Variants in EPHA4 observed in about 807,000 individuals in gnomAD.
EPHA4 encodes ephrin type-A receptor 4.
EPHA4 carries 19 observed loss-of-function variants against 108.3 expected under a neutral mutation model. That is an observed-to-expected ratio of 0.18 (90% CI 0.12 to 0.26). EPHA4 has a LOEUF of 0.26. Among genes scored for constraint, EPHA4 ranks in the 10% least tolerant of loss-of-function variants. The pLI, the probability that EPHA4 is intolerant of heterozygous loss-of-function variation, is 1.00. For missense variants in EPHA4, 917 were observed against 1,254.0 expected (o/e 0.73, Z 4.06); for synonymous variants, 449 against 455.5 (o/e 0.99, Z 0.18).
chr2:221,482,231 T>C, intron 5 of EPHA4, 121 bp downstream of exon 5: 1 of 1,066,162 alleles, frequency 9.4e-7, no homozygotes, highest in South Asian at 1.8e-5. Flanking sequence ...TTTTACATTA[T>C]AACGCAGCTC....
At chr2:221,481,138 G>A (rs1318868991) in intron 5 of EPHA4, among the ~76,000 whole-genome samples, 3 of 152,170 alleles carry the variant, frequency 2.0e-5, no homozygotes, top group Non-Finnish European at 4.4e-5. Context: ...TTTCAGGGAA[G>A]GAGTACAGAT....
upstream of EPHA4, chr2:221,572,342 G>C (rs1319611972): frequency 1.2e-5 from 14 of 1,151,876 alleles, no homozygotes; most frequent in East Asian, 3.6e-4. Flanking sequence ...ATTGCCAAGG[G>C]GGCGGGCCCG....
At chr2:221,568,685 A>T in intron 2 of EPHA4, 33 bp downstream of exon 2, 1 of 1,579,852 alleles carries the variant, frequency 6.3e-7, no homozygotes, top group South Asian at 1.2e-5. Flanking sequence ...CTCCTTTTTT[A>T]CCCTTTGGAT....
chr2:221,424,615 T>G (rs1041246106), intron 17 of EPHA4, among the ~76,000 whole-genome samples: 2 of 152,214 alleles, frequency 1.3e-5, no homozygotes, highest in African/African-American at 4.8e-5. Context: ...GAGCAGTGCA[T>G]TTTTCAGTAG....
At chr2:221,462,738 G>A (rs1028452669) in intron 5 of EPHA4, among the ~76,000 whole-genome samples, 1 of 152,112 alleles carries the variant, frequency 6.6e-6, no homozygotes, top group Non-Finnish European at 1.5e-5. Context: ...TGTTTCTAAG[G>A]TCTGTGTGAT....
chr2:221,528,483 T>C (rs1026558413), intron 3 of EPHA4, among the ~76,000 whole-genome samples: 1 of 152,226 alleles, frequency 6.6e-6, no homozygotes, highest in African/African-American at 2.4e-5. Context: ...CTTAATCTTA[T>C]TCCCTTTGAA....
At chr2:221,483,367 A>G (rs1691888921) in intron 4 of EPHA4, among the ~76,000 whole-genome samples, 1 of 152,132 alleles carries the variant, frequency 6.6e-6, no homozygotes, top group African/African-American at 2.4e-5. Context: ...TTTCTGAAAT[A>G]TGGGTGATGG....
intron 5 of EPHA4, 23 bp from the exon 6 acceptor site, chr2:221,458,013 A>G (rs777594877): frequency 6.9e-6 from 11 of 1,598,132 alleles, no homozygotes; most frequent in Admixed American, 1.8e-5. Context: ...AACAAAAGAC[A>G]AAAGATATTT....
At chr2:221,538,333 T>C (rs1693730995) in intron 3 of EPHA4, among the ~76,000 whole-genome samples, 5 of 152,230 alleles carry the variant, frequency 3.3e-5, no homozygotes. Flanking sequence ...TTTTGGAGTG[T>C]AAAAAATGTG....
chr2:221,481,519 T>A (rs1007629084), intron 5 of EPHA4, among the ~76,000 whole-genome samples: 2 of 151,990 alleles, frequency 1.3e-5, no homozygotes, highest in Admixed American at 6.6e-5. Flanking sequence ...CCAGGTATGG[T>A]GGCACCCGCC....
chr2:221,507,696 A>T (rs1371290743), intron 3 of EPHA4, among the ~76,000 whole-genome samples: 1 of 152,186 alleles, frequency 6.6e-6, no homozygotes, highest in African/African-American at 2.4e-5. Context: ...CTCAATCCCA[A>T]GACTGAGATA....
chr2:221,446,231 C>G, intron 8 of EPHA4, 50 bp from the exon 9 acceptor site: 1 of 1,165,146 alleles, frequency 8.6e-7, no homozygotes, highest in South Asian at 1.8e-5. Flanking sequence ...AACACCTAAG[C>G]TTTAACACAT....
intron 5 of EPHA4, among the ~76,000 whole-genome samples, chr2:221,463,539 T>G (rs1691213544): frequency 6.6e-6 from 1 of 152,318 alleles, no homozygotes; most frequent in South Asian, 2.1e-4. Context: ...GGCTCTATCA[T>G]GACTCTCTAA....
At position 221,458,003 on chromosome 2, in the gene EPHA4, A is replaced by T; in HGVS notation, c.1319-13T>A. 1.2e-6 allele frequency: 2 copies of T among 1,602,494 alleles called. No individual in the cohort carries two copies. The highest frequency in any genetic ancestry group is 8.5e-7 in the Non-Finnish European group (1 of 1,176,242). On this transcript the variant is annotated splice_polypyrimidine_tract_variant and intron_variant, in intron 5 of 17. Transcript: ENST00000281821. ...ATGGATGATGGTGCTGTTAGAAAAA[A>T]ACAAAAGACAAAAGATATTTTCTTT...
chr2:221,434,245 T>C lies in EPHA4; in HGVS notation c.2393A>G (p.Tyr798Cys). Residue 798 changes from tyrosine to cysteine, a missense_variant, in exon 14 of 18, where the codon TAT becomes TGT. This residue lies in a region of EPHA4 where 758 missense variants were observed against 1,076.7 expected (regional missense o/e 0.70). Coordinates refer to ENST00000281821, the MANE Select transcript of EPHA4 (RefSeq NM_004438.5). ...ATCACTTGCTGATGTGAATTTACGA[T>C]AGGCAATTGCTTCTGGCGCAGTCCA... ...IRWTAPEAIAYRKFTSASDVW... is the reference protein window; with the variant it reads ...IRWTAPEAIACRKFTSASDVW... The C allele has an allele frequency of 1.2e-6, 2 of 1,614,170 alleles. No individual in the cohort carries two copies. The highest frequency in any genetic ancestry group is 8.5e-7 in the Non-Finnish European group (1 of 1,180,010).
At chr2:221,480,382 C>A (rs1188243930) in intron 5 of EPHA4, among the ~76,000 whole-genome samples, 1 of 152,142 alleles carries the variant, frequency 6.6e-6, no homozygotes, top group African/African-American at 2.4e-5. Flanking sequence ...TAGAAGGGGG[C>A]TGCATGTAAG....
At chr2:221,433,821 T>G (rs1690152180) in intron 14 of EPHA4, among the ~76,000 whole-genome samples, 1 of 152,234 alleles carries the variant, frequency 6.6e-6, no homozygotes, top group Non-Finnish European at 1.5e-5. Flanking sequence ...TCTTTGCATT[T>G]TCTTAAAAGT....
chr2:221,499,714 TAATATATATATA>T (rs1234902722), intron 4 of EPHA4, among the ~76,000 whole-genome samples: 1 of 72,312 alleles, frequency 1.4e-5, no homozygotes, highest in South Asian at 5.5e-4. Context: ...TAACTAAAAC[TAATATATATATA>T]TATATATATA....
At chr2:221,567,239 C>G (rs1033462197) in intron 2 of EPHA4, among the ~76,000 whole-genome samples, 1 of 152,146 alleles carries the variant, frequency 6.6e-6, no homozygotes, top group African/African-American at 2.4e-5. Flanking sequence ...AGTACTGACA[C>G]TTTCCATCCT....
Sources: allele counts gnomAD v4.1 joint callset (sites outside exome capture counted in the v4.1 genomes callset), GRCh38; gene constraint gnomAD v4.1.1; regional missense constraint gnomAD v4.1.1; transcripts MANE v1.5; gene names NCBI Gene and HGNC (gene_info 2026-07-23, HGNC 2026-07-21).